AGMO: variants seen among roughly 807,000 people sequenced by gnomAD.
The protein encoded by AGMO is alkylglycerol monooxygenase.
AGMO carries 75 observed loss-of-function variants against 60.2 expected under a neutral mutation model. The ratio of observed to expected loss-of-function variants is 1.25; its 90% CI spans 1.03 to 1.51. The LOEUF is 1.51. Among genes scored for constraint, AGMO ranks in the 40% most tolerant of loss-of-function variants. AGMO has a pLI of 0.00. For synonymous variants in AGMO, 261 were observed against 177.1 expected, an observed-to-expected ratio of 1.47 and a Z score of -3.76; for missense variants, 763 against 525.5, an observed-to-expected ratio of 1.45 and a Z score of -4.42.
intron 12 of AGMO, among the ~76,000 whole-genome samples, chr7:15,323,656 C>A (rs548685235): frequency 2.3e-4 from 35 of 152,252 alleles, no homozygotes; most frequent in African/African-American, 7.9e-4. Flanking sequence ...CAAGCTGTCT[C>A]CCGAGCTTGC....
chr7:15,118,217 C>T, the AGMO span, among the ~76,000 whole-genome samples: 388 of 142,264 alleles, frequency 2.7e-3, 3 homozygotes, highest in African/African-American at 9.7e-3. Context: ...CACATATATA[C>T]AAACAGATAA....
intron 10 of AGMO, among the ~76,000 whole-genome samples, chr7:15,367,953 C>G (rs1039107603): frequency 6.6e-6 from 1 of 152,112 alleles, no homozygotes; most frequent in African/African-American, 2.4e-5. Flanking sequence ...CCACCAGTCA[C>G]AATTTTTGCT....
chr7:15,340,477 C>T (rs1041276503), intron 12 of AGMO, among the ~76,000 whole-genome samples: 1 of 152,128 alleles, frequency 6.6e-6, no homozygotes, highest in Non-Finnish European at 1.5e-5. Flanking sequence ...GGCCAGGAGG[C>T]CTCGGGGGGA....
In AGMO at chr7:15,322,638, A is replaced by G. The variant is rs1356346709; in HGVS notation, c.1263+42876T>C. Among the ~76,000 whole-genome samples, 24 of 71,358 alleles carry G rather than the reference A, an allele frequency of 3.4e-4. 5 individuals are homozygous for G. Among genetic ancestry groups the G allele is most frequent in the African/African-American group, 1.3e-3 (18 of 13,932 alleles). The allele number at this position is 71,358 out of a possible 152,430, so 46.8% of individuals were successfully genotyped here. A position where few individuals can be genotyped will look rare whatever the true frequency, so the allele number is the denominator to read the frequency against. Reference sequence around the variant, plus strand: ...AATATATAAATATATATAAATATATATAAATATATAAATATATATATAAAT... The same window carrying G: ...AATATATAAATATATATAAATATATGTAAATATATAAATATATATATAAAT... On this transcript the variant is annotated intron_variant, in intron 12 of 12. Transcript: ENST00000342526.
intron 3 of AGMO, among the ~76,000 whole-genome samples, chr7:15,543,177 A>G (rs1330399843): frequency 2.0e-5 from 3 of 151,892 alleles, no homozygotes; most frequent in African/African-American, 7.3e-5. Flanking sequence ...TCAACCAACC[A>G]CCCACTGAAA....
At chr7:15,128,801 G>C in the AGMO span, among the ~76,000 whole-genome samples, 1 of 152,034 alleles carries the variant, frequency 6.6e-6, no homozygotes, top group Admixed American at 6.6e-5. Flanking sequence ...AGTAGAAATA[G>C]ACAATCAGCA....
chr7:15,427,786 G>T (rs1225564514), intron 4 of AGMO, among the ~76,000 whole-genome samples: 1 of 152,010 alleles, frequency 6.6e-6, no homozygotes, highest in Non-Finnish European at 1.5e-5. Flanking sequence ...ACCATATATT[G>T]CAGTGTATAT....
intron 3 of AGMO, among the ~76,000 whole-genome samples, chr7:15,479,121 T>C (rs920251353): frequency 6.6e-6 from 1 of 152,148 alleles, no homozygotes. Flanking sequence ...CAAGGATATA[T>C]TGTTTTACAT....
At chr7:15,387,184 TGCTCCTAG>T (rs1479835584) in intron 9 of AGMO, among the ~76,000 whole-genome samples, 1 of 152,206 alleles carries the variant, frequency 6.6e-6, no homozygotes, top group Non-Finnish European at 1.5e-5. Context: ...CCACAATCTG[TGCTCCTAG>T]GTAAAAGGCA....
intron 12 of AGMO, among the ~76,000 whole-genome samples, chr7:15,268,587 A>G (rs1404761305): frequency 6.6e-6 from 1 of 152,068 alleles, no homozygotes; most frequent in Non-Finnish European, 1.5e-5. Context: ...CAAACTGATT[A>G]ATACTTTGTT....
chr7:15,121,911 T>A, the AGMO span, among the ~76,000 whole-genome samples: 4,285 of 152,188 alleles, frequency 0.028, 218 homozygotes, highest in African/African-American at 0.098. Flanking sequence ...TAACTCAAGA[T>A]GGGTTAAAGG....
intron 3 of AGMO, among the ~76,000 whole-genome samples, chr7:15,540,511 G>T (rs971679293): frequency 6.6e-6 from 1 of 152,162 alleles, no homozygotes; most frequent in African/African-American, 2.4e-5. Flanking sequence ...TGTCCCTCCA[G>T]CCCCTTAAAT....
chr7:15,390,614 A>T, intron 8 of AGMO, 57 bp downstream of exon 8: 1 of 1,340,566 alleles, frequency 7.5e-7, no homozygotes, highest in Non-Finnish European at 1.0e-6. Context: ...TTTTCTCTTA[A>T]CTATAAGATT....
At chr7:15,322,434 G>GTATATATATAAATATATATATAAA (rs1295939759) in intron 12 of AGMO, among the ~76,000 whole-genome samples, 3 of 86,836 alleles carry the variant, frequency 3.5e-5, no homozygotes, top group Non-Finnish European at 7.2e-5. Flanking sequence ...ACCTGTGTGT[G>GTATATATATAAATATATATATAAA]TATATATATA....
At chr7:15,444,145 G>A (rs1434469368) in intron 3 of AGMO, among the ~76,000 whole-genome samples, 2 of 151,704 alleles carry the variant, frequency 1.3e-5, no homozygotes, top group African/African-American at 2.4e-5. Flanking sequence ...ATATAGTATC[G>A]AATATATTTT....
chr7:15,178,733 G>A, the AGMO span, among the ~76,000 whole-genome samples: 32,637 of 151,986 alleles, frequency 0.21, 3,953 homozygotes, highest in East Asian at 0.47. Flanking sequence ...AAGGAAGGAG[G>A]CTTTCTTCTA....
In AGMO at chr7:15,436,141, T is replaced by C. The variant is rs140028467; in HGVS notation, c.410-5033A>G. Among the ~76,000 whole-genome samples, 45 of 152,354 alleles carry C rather than the reference T, an allele frequency of 3.0e-4. No individual in the cohort carries two copies. The East Asian group carries it at 8.3e-3, about 28-fold the overall frequency. ...GTGATGCTTGACACCACTGAAATCA[T>C]ATTGCTAGCACTTTATGCAACATTT... On this transcript the variant is annotated intron_variant, in intron 3 of 12. Transcript: ENST00000342526.
intron 12 of AGMO, among the ~76,000 whole-genome samples, chr7:15,303,384 T>C (rs998071041): frequency 3.3e-5 from 5 of 151,406 alleles, no homozygotes; most frequent in Admixed American, 3.3e-4. Context: ...ACTAGCAAGA[T>C]GAATGTCTAA....
the AGMO span, among the ~76,000 whole-genome samples, chr7:15,169,195 A>G: frequency 6.6e-6 from 1 of 152,274 alleles, no homozygotes; most frequent in Middle Eastern, 3.4e-3. Context: ...AACTGTTCCT[A>G]TAAAGGGCTG....
Sources: gnomAD v4.1 joint callset for allele counts (sites outside exome capture counted in the v4.1 genomes callset) on GRCh38, gnomAD v4.1.1 for gene constraint, MANE v1.5 for transcripts, NCBI Gene and HGNC (gene_info 2026-07-23, HGNC 2026-07-21) for gene names.